Variants in FRK observed in about 807,000 individuals in gnomAD.
FRK encodes fyn related Src family tyrosine kinase, also known as tyrosine-protein kinase FRK.
FRK carries 51 observed loss-of-function variants against 56.4 expected under a neutral mutation model. That is an observed-to-expected ratio of 0.90 (90% CI 0.72 to 1.14). The LOEUF (loss-of-function observed/expected upper bound fraction) is 1.14. Ranked by LOEUF, FRK falls within the 50% of genes most tolerant of loss-of-function variation. The pLI is 0.00. For missense variants in FRK, 570 were observed against 601.4 expected, an observed-to-expected ratio of 0.95 and a Z score of 0.55; for synonymous variants, 245 against 217.9, an observed-to-expected ratio of 1.12 and a Z score of -1.10.
At chr6:115,948,741 T>C (rs1772574530) in intron 5 of FRK, among the ~76,000 whole-genome samples, 1 of 152,232 alleles carries the variant, frequency 6.6e-6, no homozygotes, top group Admixed American at 6.5e-5. Flanking sequence ...TATGTATCTC[T>C]AGCTTAGCAA....
the FRK span, among the ~76,000 whole-genome samples, chr6:116,075,465 G>GGA: frequency 1.9e-3 from 255 of 136,434 alleles, no homozygotes; most frequent in African/African-American, 3.5e-3. Context: ...AGAGCTGGGG[G>GGA]AAAAAAAAAA....
chr6:116,023,949 C>G (rs973033934), intron 1 of FRK, among the ~76,000 whole-genome samples: 2 of 140,460 alleles, frequency 1.4e-5, no homozygotes, highest in African/African-American at 5.3e-5. Flanking sequence ...CTTAGTTACA[C>G]TTGAAAATAA....
At chr6:116,076,777 CTGT>C in the FRK span, among the ~76,000 whole-genome samples, 1 of 152,176 alleles carries the variant, frequency 6.6e-6, no homozygotes, top group African/African-American at 2.4e-5. Context: ...GTTTATACTT[CTGT>C]TGTTCCATGA....
chr6:116,073,223 T>A, the FRK span, among the ~76,000 whole-genome samples: 1 of 152,196 alleles, frequency 6.6e-6, no homozygotes, highest in Non-Finnish European at 1.5e-5. Flanking sequence ...TAACTTTATT[T>A]TCTCTGTCTT....
intron 1 of FRK, among the ~76,000 whole-genome samples, chr6:116,017,144 T>A (rs1775687942): frequency 6.6e-6 from 1 of 151,906 alleles, no homozygotes; most frequent in Non-Finnish European, 1.5e-5. Context: ...AAAGGCAGAC[T>A]GAGAGAAGAA....
the FRK span, among the ~76,000 whole-genome samples, chr6:116,095,225 T>C: frequency 6.6e-6 from 1 of 152,228 alleles, no homozygotes; most frequent in Admixed American, 6.5e-5. Context: ...TCCTAGGTGA[T>C]TAAGGGAAAA....
chr6:116,071,659 C>T, the FRK span, among the ~76,000 whole-genome samples: 1 of 152,248 alleles, frequency 6.6e-6, no homozygotes, highest in Admixed American at 6.5e-5. Context: ...CTCTGGTGTG[C>T]CTGCCTATTA....
chr6:116,016,867 C>T (rs766584127), intron 1 of FRK, among the ~76,000 whole-genome samples: 5 of 152,086 alleles, frequency 3.3e-5, no homozygotes, highest in Admixed American at 6.5e-5. Flanking sequence ...GTAAATGCCA[C>T]CCACTGGACT....
intron 1 of FRK, among the ~76,000 whole-genome samples, chr6:116,036,662 T>C (rs748737767): frequency 2.0e-5 from 3 of 152,120 alleles, no homozygotes; most frequent in Admixed American, 1.3e-4. Flanking sequence ...GAAAATTAGC[T>C]TCTGGGAAGT....
chr6:116,062,388 T>C (rs1028520084), upstream of FRK, among the ~76,000 whole-genome samples: 4 of 150,896 alleles, frequency 2.7e-5, no homozygotes, highest in South Asian at 2.1e-4. Flanking sequence ...TGTAAAAGCA[T>C]AGGATTCTAT....
At chr6:116,041,987 A>C (rs774620581) in intron 1 of FRK, among the ~76,000 whole-genome samples, 1 of 152,252 alleles carries the variant, frequency 6.6e-6, no homozygotes, top group Non-Finnish European at 1.5e-5. Context: ...CAGCAAGCTA[A>C]GATCCACTGA....
At chr6:116,047,483 G>A (rs899514507) in intron 1 of FRK, among the ~76,000 whole-genome samples, 2 of 81,086 alleles carry the variant, frequency 2.5e-5, no homozygotes, top group African/African-American at 4.7e-5. Context: ...CCAGATTCAA[G>A]TGATTCTCCT....
chr6:116,075,047 C>T, the FRK span, among the ~76,000 whole-genome samples: 1 of 152,044 alleles, frequency 6.6e-6, no homozygotes, highest in Non-Finnish European at 1.5e-5. Context: ...TTTCAATCAT[C>T]CAAGGGGGTT....
At chr6:116,065,932 C>A in the FRK span, among the ~76,000 whole-genome samples, 1 of 152,184 alleles carries the variant, frequency 6.6e-6, no homozygotes, top group African/African-American at 2.4e-5. Flanking sequence ...ATTGCCCTGT[C>A]TTTGAAGACA....
rs1309038386 is a variant in FRK, at chr6:115,934,103, G to A, written c.*8311C>T. 1 of 152,088 alleles carries A rather than the reference G, an allele frequency of 6.6e-6. No homozygotes were observed. Among genetic ancestry groups the A allele is most frequent in the Non-Finnish European group, 1.5e-5 (1 of 68,024 alleles). The allele number at this position is 152,088 out of a possible 1,614,324, so 9.4% of individuals were successfully genotyped here. Reference sequence around the variant, plus strand: ...GAGAGAGAGAAAGGAGGGAGATGAGGTGATGATGATGATAGATGGGTGGAT... The same window carrying A: ...GAGAGAGAGAAAGGAGGGAGATGAGATGATGATGATGATAGATGGGTGGAT... On this transcript the variant is annotated 3_prime_UTR_variant, in exon 8 of 8. Transcript: ENST00000606080.
the FRK span, among the ~76,000 whole-genome samples, chr6:116,088,869 G>A: frequency 2.5e-3 from 386 of 152,332 alleles, 10 homozygotes; most frequent in South Asian, 0.044. Flanking sequence ...CAAGAGGTCT[G>A]AAGACAAAGA....
intron 5 of FRK, among the ~76,000 whole-genome samples, chr6:115,953,786 T>C (rs997797612): frequency 3.3e-5 from 5 of 152,198 alleles, no homozygotes; most frequent in African/African-American, 1.2e-4. Context: ...CCCAATCTTG[T>C]TAGGTTCAGG....
At chr6:116,094,786 G>C in the FRK span, among the ~76,000 whole-genome samples, 9 of 151,994 alleles carry the variant, frequency 5.9e-5, no homozygotes, top group African/African-American at 2.2e-4. Context: ...GAAGAGAGGG[G>C]AAGAGACAGA....
chr6:116,009,846 G>A (rs1488511407), intron 1 of FRK, among the ~76,000 whole-genome samples: 1 of 152,092 alleles, frequency 6.6e-6, no homozygotes, highest in Non-Finnish European at 1.5e-5. Flanking sequence ...GGACATTGTT[G>A]TATAAAATGT....
Sources: allele counts gnomAD v4.1 joint callset (sites outside exome capture counted in the v4.1 genomes callset), GRCh38; gene constraint gnomAD v4.1.1; transcripts MANE v1.5; gene names NCBI Gene and HGNC (gene_info 2026-07-23, HGNC 2026-07-21).